NOLC1: variants seen among roughly 807,000 people sequenced by gnomAD.
NOLC1 encodes 140 kDa nucleolar phosphoprotein.
Under a neutral mutation model 73.4 loss-of-function variants are expected in NOLC1, and 37 were observed. That is an observed-to-expected ratio of 0.50 (90% confidence interval 0.39 to 0.66). The LOEUF (loss-of-function observed/expected upper bound fraction) is 0.66. NOLC1 is among the 30% of genes least tolerant of loss of function. The pLI is 0.00. For synonymous variants in NOLC1, 327 were observed against 302.6 expected, an observed-to-expected ratio of 1.08 and a Z score of -0.84; for missense variants, 921 against 838.9, an observed-to-expected ratio of 1.10 and a Z score of -1.21.
At position 102,152,390 on chromosome 10, in the gene NOLC1, G is replaced by C. The variant is rs755302816; in HGVS notation, c.-21G>C. On this transcript the variant is annotated 5_prime_UTR_variant, in exon 1 of 13. Coordinates refer to ENST00000605788, the MANE Select transcript of NOLC1 (RefSeq NM_004741.5). The stretch of plus-strand genomic sequence containing the variant: ...GAGTCGTGCTGCGTCGACAACGGTA[G>C]TGACGCGTATTGCCTGGAGGATGGC... 6.2e-7 allele frequency: 1 copy of C among 1,606,482 alleles called. No individual in the cohort carries two copies. The highest frequency in any genetic ancestry group is 2.2e-5 in the East Asian group (1 of 44,898).
intron 10 of NOLC1, 138 bp downstream of exon 10, chr10:102,161,231 T>C (rs1470298975): frequency 4.5e-6 from 4 of 896,160 alleles, no homozygotes; most frequent in East Asian, 5.4e-5. Flanking sequence ...AACAGGAAAC[T>C]GGTTACCTTT....
rs766745577 is a variant in NOLC1 at position 102,160,507 on chromosome 10, G to A, written c.1155G>A (p.Lys385=). The A allele has an allele frequency of 6.2e-7, 1 of 1,614,206 alleles. No homozygotes were observed. Among genetic ancestry groups the A allele is most frequent in the South Asian group, 1.1e-5 (1 of 91,074 alleles). ...CTTCTAAGCCAGCTGGTACCACCAA[G>A]AATTCTTCAAATAAGCCAGCTGTCA... The part of the protein sequence containing the change: ...EAPSKPAGTT[K]NSSNKPAVTT... The change falls in exon 10 of 13, where the codon AAG becomes AAA. Residue 385 remains lysine, a synonymous_variant. Coordinates refer to ENST00000605788, the MANE Select transcript of NOLC1 (RefSeq NM_004741.5).
chr10:102,161,814 C>T lies in NOLC1; in HGVS notation c.1849-19C>T, dbSNP rs2069714018. 1 of 1,611,098 alleles carries T rather than the reference C, an allele frequency of 6.2e-7. No individual in the cohort carries two copies. Among genetic ancestry groups the T allele is most frequent in the South Asian group, 1.1e-5 (1 of 90,990 alleles). ...ACATGACCACTCTGTCTTTAATTTCCTACTTCATTCTTCTGTAGGGAGAAA... is the reference window on the plus strand; with the variant it reads ...ACATGACCACTCTGTCTTTAATTTCTTACTTCATTCTTCTGTAGGGAGAAA... On this transcript the variant is annotated intron_variant, in intron 11 of 12. Coordinates refer to ENST00000605788, the MANE Select transcript of NOLC1 (RefSeq NM_004741.5).
In NOLC1 at chr10:102,160,695, A is replaced by T. The variant is rs542311564; in HGVS notation, c.1343A>T (p.Lys448Met). ...AAGATGGTGGCCACCACTAAGCCCA[A>T]GGCGACTGCCAAAGCAGCTCTATCT... ...TKKMVATTKP[K>M]ATAKAALSLP... The change falls in exon 10 of 13, where the codon AAG (lysine) becomes ATG (methionine). Residue 448 changes from lysine (K) to methionine (M), a missense_variant. Transcript: ENST00000605788. 1.2e-6 allele frequency: 2 copies of T among 1,614,076 alleles called. No homozygotes were observed. The highest frequency in any genetic ancestry group is 2.2e-5 in the East Asian group (1 of 44,884).
intron 4 of NOLC1, 36 bp from the exon 5 acceptor site, chr10:102,158,013 T>G (rs369385494): frequency 1.3e-6 from 2 of 1,597,396 alleles, no homozygotes; most frequent in African/African-American, 2.7e-5. Flanking sequence ...ACCCGGAAGC[T>G]TTTGCTGATT....
chr10:102,157,956 TC>T (rs2069626119), intron 4 of NOLC1, 92 bp from the exon 5 acceptor site: 1 of 1,141,750 alleles, frequency 8.8e-7, no homozygotes, highest in South Asian at 1.5e-5. Flanking sequence ...CTCTTACTGC[TC>T]CATTAGGCCC....
rs753438772 is a variant in NOLC1 at position 102,161,927 on chromosome 10, T to TGA, written c.1941+11_1941+12dup. The TGA allele has an allele frequency of 1.9e-6, 3 of 1,613,574 alleles. No homozygotes were observed. Among genetic ancestry groups the TGA allele is most frequent in the African/African-American group, 2.7e-5 (2 of 74,886 alleles). On this transcript the variant is annotated splice_region_variant and intron_variant, in intron 12 of 12. Transcript: ENST00000605788. Reference sequence around the variant, plus strand: ...GCGGACAACTCCTTTGATGCCAAGGTGAGAGAGAGATCTGTGCCATTCTTG... The same window carrying TGA: ...GCGGACAACTCCTTTGATGCCAAGGTGAGAGAGAGAGATCTGTGCCATTCTTG...
At position 102,163,281 on chromosome 10, in the gene NOLC1, T is replaced by C. The variant is rs1482108857; in HGVS notation, c.*1012T>C. On this transcript the variant is annotated 3_prime_UTR_variant, in exon 13 of 13. Coordinates refer to ENST00000605788, the MANE Select transcript of NOLC1 (RefSeq NM_004741.5). Reference sequence around the variant, plus strand: ...AAAACAAACGTTAAAACCTCAATCCTCAGTAGGAAGGTAGATTACATTAGG... The same window carrying C: ...AAAACAAACGTTAAAACCTCAATCCCCAGTAGGAAGGTAGATTACATTAGG... 6.6e-6 allele frequency: 1 copy of C among 152,140 alleles called. No homozygotes were observed. The highest frequency in any genetic ancestry group is 1.5e-5 in the Non-Finnish European group (1 of 68,014). 9.4% of individuals were successfully genotyped at this position (152,140 alleles called of 1,614,324 possible). A position where few individuals can be genotyped will look rare whatever the true frequency, so the allele number is the denominator to read the frequency against.
At position 102,160,639 on chromosome 10, in the gene NOLC1, G is replaced by A; in HGVS notation, c.1287G>A (p.Glu429=). Reference sequence around the variant, plus strand: ...CTGACAGCAGCTCCAGTGAGGAAGAGAGCAGCTCCAGTGAGGAGGAGAAGA... The same window carrying A: ...CTGACAGCAGCTCCAGTGAGGAAGAAAGCAGCTCCAGTGAGGAGGAGAAGA... ...RKADSSSSEE[E]SSSSEEEKTK... The change falls in exon 10 of 13, where the codon GAG becomes GAA. Residue 429 remains glutamate (E), a synonymous_variant. Transcript: ENST00000605788. The A allele has an allele frequency of 6.2e-7, 1 of 1,614,164 alleles. No homozygotes were observed. Among genetic ancestry groups the A allele is most frequent in the Non-Finnish European group, 8.5e-7 (1 of 1,180,004 alleles).
Position 102,161,846 on chromosome 10 carries a change from C to A in NOLC1, c.1862C>A (p.Ala621Glu). 3 of 1,614,060 alleles carry A rather than the reference C, an allele frequency of 1.9e-6. No individual in the cohort carries two copies. The highest frequency in any genetic ancestry group is 2.5e-6 in the Non-Finnish European group (3 of 1,179,946). ...ATTCTTCTGTAGGGAGAAAAAAGGG[C>A]ATCATCCCCATTCCGAAGGGTCAGG... is the stretch of plus-strand genomic sequence containing the variant. The part of the protein sequence containing the change: ...FPKRKKGEKR[A>E]SSPFRRVREE... The change falls in exon 12 of 13, where the codon GCA (alanine) becomes GAA (glutamate). Residue 621 changes from alanine (A) to glutamate (E), a missense_variant. Coordinates refer to ENST00000605788, the MANE Select transcript of NOLC1 (RefSeq NM_004741.5).
intron 1 of NOLC1, among the ~76,000 whole-genome samples, chr10:102,154,918 C>T (rs771921333): frequency 6.6e-6 from 1 of 151,920 alleles, no homozygotes; most frequent in Non-Finnish European, 1.5e-5. Context: ...TAAAGTGATG[C>T]AATCATACTT....
rs549778835 is a variant in NOLC1 at position 102,153,786 on chromosome 10, C to T, written c.120+1256C>T. 8.6e-5 allele frequency among the ~76,000 whole-genome samples: 13 copies of T among 151,124 alleles called. No individual in the cohort carries two copies. The East Asian group carries it at 2.5e-3, about 29-fold the overall frequency. On this transcript the variant is annotated intron_variant, in intron 1 of 12. Transcript: ENST00000605788. ...CTCCCAAGTTCAAGTGATTATCCTGCCTCAGCCTCCCCAGTAGCTGGGATT... is the reference window on the plus strand; with the variant it reads ...CTCCCAAGTTCAAGTGATTATCCTGTCTCAGCCTCCCCAGTAGCTGGGATT...
In NOLC1 at chr10:102,159,528, CGAG is replaced by C; in HGVS notation, c.822_824del (p.Glu277del). 2 of 1,614,030 alleles carry C rather than the reference CGAG, an allele frequency of 1.2e-6. No homozygotes were observed. The highest frequency in any genetic ancestry group is 1.1e-5 in the South Asian group (1 of 91,076). ...CTAGCAGTGAGGATTCCTCCAGTGA[CGAG>C]GAAGAGGAGCAAAAAAAACCCATGA... On this transcript the variant is annotated inframe_deletion, in exon 7 of 13. Transcript: ENST00000605788.
In NOLC1 at chr10:102,162,623, T is replaced by G. The variant is rs1480025201; in HGVS notation, c.*354T>G. 1.2e-5 allele frequency: 2 copies of G among 160,824 alleles called. No homozygotes were observed. The highest frequency in any genetic ancestry group is 4.8e-5 in the African/African-American group (2 of 41,758). The allele number at this position is 160,824 out of a possible 1,614,324, so 10.0% of individuals were successfully genotyped here. ...TGATTTTTGTTGTGATTTTCAAAGG[T>G]GGATTCCCACAGATAAAATCTTGGC... On this transcript the variant is annotated 3_prime_UTR_variant, in exon 13 of 13. Transcript: ENST00000605788.
rs770911945 is a variant in NOLC1, at chr10:102,160,765, T to C, written c.1413T>C (p.Ser471=). 1 of 1,614,228 alleles carries C rather than the reference T, an allele frequency of 6.2e-7. No homozygotes were observed. The highest frequency in any genetic ancestry group is 1.1e-5 in the South Asian group (1 of 91,086). The change falls in exon 10 of 13, where the codon TCT becomes TCC. Residue 471 remains serine, a synonymous_variant. Coordinates refer to ENST00000605788, the MANE Select transcript of NOLC1 (RefSeq NM_004741.5). ...CTCAGGGTAGTAGGGACAGCAGCTCTGATTCAGACAGCTCCAGCAGTGAGG... is the reference window on the plus strand; with the variant it reads ...CTCAGGGTAGTAGGGACAGCAGCTCCGATTCAGACAGCTCCAGCAGTGAGG... ...QAPQGSRDSS[S]DSDSSSSEEE...
At chr10:102,159,167 C>T (rs201988927) in intron 5 of NOLC1, 26 bp from the exon 6 acceptor site, 3 of 1,583,964 alleles carry the variant, frequency 1.9e-6, no homozygotes, top group Non-Finnish European at 2.6e-6. Flanking sequence ...ATACTCCTTA[C>T]TCTTTCTTTT....
Position 102,160,685 on chromosome 10 carries a change from A to G in NOLC1, c.1333A>G (p.Thr445Ala). The change falls in exon 10 of 13, where the codon ACT (threonine) becomes GCT (alanine). Residue 445 changes from threonine (T) to alanine (A), a missense_variant. By Grantham distance (58) the Thr-to-Ala change is moderately conservative (BLOSUM62 0). Transcript: ENST00000605788. ...GAAGACAAAGAAGATGGTGGCCACC[A>G]CTAAGCCCAAGGCGACTGCCAAAGC... ...EEKTKKMVAT[T>A]KPKATAKAAL... 3 of 1,614,078 alleles carry G rather than the reference A, an allele frequency of 1.9e-6. No individual in the cohort carries two copies. Among genetic ancestry groups the G allele is most frequent in the Non-Finnish European group, 2.5e-6 (3 of 1,179,956 alleles).
In NOLC1 at chr10:102,159,915, C is replaced by T. The variant is rs1263713802; in HGVS notation, c.879C>T (p.Pro293=). 5 of 1,601,764 alleles carry T rather than the reference C, an allele frequency of 3.1e-6. No individual in the cohort carries two copies. Among genetic ancestry groups the T allele is most frequent in the East Asian group, 2.3e-5 (1 of 44,360 alleles). ...AAACAGGTCCCTACAGTTCAGTCCC[C>T]CCGCCTTCTGCTCCCCCACCAAAGA... ...KNKPGPYSSV[P]PPSAPPPKKS... The change falls in exon 8 of 13, where the codon CCC becomes CCT. Residue 293 remains proline (P), a synonymous_variant. Coordinates refer to ENST00000605788, the MANE Select transcript of NOLC1 (RefSeq NM_004741.5).
intron 10 of NOLC1, 105 bp downstream of exon 10, chr10:102,161,198 C>T: frequency 1.6e-6 from 2 of 1,223,758 alleles, no homozygotes; most frequent in South Asian, 3.2e-5. Flanking sequence ...ACTGGGCTTC[C>T]AGTTGTGGAA....
Sources: allele counts gnomAD v4.1 joint callset (sites outside exome capture counted in the v4.1 genomes callset), GRCh38; gene constraint gnomAD v4.1.1; transcripts MANE v1.5; gene names NCBI Gene and HGNC (gene_info 2026-07-23, HGNC 2026-07-21).